NUP205: variants seen among roughly 807,000 people sequenced by gnomAD.
The protein encoded by NUP205 is nuclear pore complex protein Nup205.
A neutral mutation model predicts 253.8 loss-of-function variants in NUP205; 76 were observed. That is an observed-to-expected ratio of 0.30 (90% CI 0.25 to 0.36). The LOEUF is 0.36. Ranked by LOEUF, NUP205 falls within the 10% of genes least tolerant of loss-of-function variation. The probability of loss-of-function intolerance (pLI) is 1.00; values close to 1 mark genes in which losing one functional copy is unlikely to be tolerated. For missense variants in NUP205, 2,162 were observed against 2,425.5 expected (o/e 0.89, Z 2.28); for synonymous variants, 832 against 850.1 (o/e 0.98, Z 0.37).
chr7:135,617,373 G>A, intron 26 of NUP205, 126 bp downstream of exon 26: 1 of 978,816 alleles, frequency 1.0e-6, no homozygotes. Flanking sequence ...TTATAGGAAG[G>A]ACTGTGATTT....
At chr7:135,619,977 A>T in intron 30 of NUP205, 89 bp downstream of exon 30, 1 of 826,878 alleles carries the variant, frequency 1.2e-6, no homozygotes, top group East Asian at 2.4e-5. Flanking sequence ...TCTTTTGACT[A>T]ATCACAACTG....
Position 135,573,801 on chromosome 7 carries a change from G to A in NUP205, c.319G>A (p.Ala107Thr). 2.5e-6 allele frequency: 4 copies of A among 1,612,392 alleles called. No individual in the cohort carries two copies. The highest frequency in any genetic ancestry group is 2.5e-6 in the Non-Finnish European group (3 of 1,179,482). ...LSDLFDIGELAAVELLLAGEH... is the reference protein window; with the variant it reads ...LSDLFDIGELTAVELLLAGEH... ...TGACCTTTTTGATATTGGAGAATTGGCAGCTGTTGAGCTTCTTCTTGCTGG... is the reference window on the plus strand; with the variant it reads ...TGACCTTTTTGATATTGGAGAATTGACAGCTGTTGAGCTTCTTCTTGCTGG... Residue 107 changes from alanine (A) to threonine (T), a missense_variant, in exon 3 of 43, where the codon GCA becomes ACA. Ala to Thr is a moderately conservative substitution (Grantham distance 58, BLOSUM62 0). Around this residue, in one of 5 missense-constraint regions of NUP205, gnomAD observed 109 missense variants for 131.8 expected, o/e 0.83. Transcript: ENST00000285968.
intron 30 of NUP205, among the ~76,000 whole-genome samples, chr7:135,620,229 A>G (rs1794447285): frequency 6.6e-6 from 1 of 152,132 alleles, no homozygotes; most frequent in Admixed American, 6.6e-5. Context: ...GTACTTATCT[A>G]GTTGATTCTT....
At chr7:135,641,737 T>TGGATCACCTGAGCCCAGGAGGTTGAGG (rs1563140691) in intron 38 of NUP205, among the ~76,000 whole-genome samples, 3 of 151,446 alleles carry the variant, frequency 2.0e-5, no homozygotes, top group African/African-American at 7.3e-5. Flanking sequence ...GAGGTTGAGG[T>TGGATCACCTGAGCCCAGGAGGTTGAGG]TGCAGTGATC....
chr7:135,614,376 C>CTTTGTTAT (rs767241970), intron 23 of NUP205, 103 bp downstream of exon 23: 50 of 628,026 alleles, frequency 8.0e-5, no homozygotes, highest in Non-Finnish European at 1.3e-4. Context: ...CATTCTGATA[C>CTTTGTTAT]TTTGGCTTCT....
At position 135,630,333 on chromosome 7, in the gene NUP205, C is replaced by A. The variant is rs199586561; in HGVS notation, c.4933-11C>A. 76 of 1,540,964 alleles carry A rather than the reference C, an allele frequency of 4.9e-5. No homozygotes were observed. Among genetic ancestry groups the A allele is most frequent in the Non-Finnish European group, 6.3e-5 (72 of 1,145,794 alleles). ...TGTTTTTTCTATTCCTCTTCCTTTT[C>A]AATGGCTTAGGTATTGCAGTTTCTT... On this transcript the variant is annotated splice_polypyrimidine_tract_variant and intron_variant, in intron 34 of 42. Coordinates refer to ENST00000285968, the MANE Select transcript of NUP205 (RefSeq NM_015135.3).
chr7:135,593,698 A>G (rs1349983047), intron 12 of NUP205, among the ~76,000 whole-genome samples: 1 of 152,210 alleles, frequency 6.6e-6, no homozygotes, highest in Non-Finnish European at 1.5e-5. Context: ...GTTCACTAGA[A>G]TAGTCTGACA....
At chr7:135,618,357 G>T in intron 27 of NUP205, 55 bp from the exon 28 acceptor site, 1 of 1,435,710 alleles carries the variant, frequency 7.0e-7, no homozygotes. Flanking sequence ...GTAACTGACA[G>T]ATAACTGATC....
At chr7:135,605,340 G>A (rs1794064131) in intron 19 of NUP205, among the ~76,000 whole-genome samples, 1 of 152,116 alleles carries the variant, frequency 6.6e-6, no homozygotes, top group South Asian at 2.1e-4. Context: ...TTATTGTGTA[G>A]TCCTTCATAG....
intron 33 of NUP205, 109 bp downstream of exon 33, chr7:135,626,470 T>A (rs1794592019): frequency 1.6e-6 from 2 of 1,265,898 alleles, no homozygotes; most frequent in Non-Finnish European, 2.2e-6. Flanking sequence ...TTCATCTTGG[T>A]GTGGGTTTTT....
At chr7:135,561,917 CTCCTTCCT>C (rs755809128) in intron 1 of NUP205, among the ~76,000 whole-genome samples, 1 of 147,564 alleles carries the variant, frequency 6.8e-6, no homozygotes, top group African/African-American at 2.6e-5. Flanking sequence ...CCTTCCTTCC[CTCCTTCCT>C]TCCTTCCTTC....
intron 37 of NUP205, 143 bp from the exon 38 acceptor site, chr7:135,638,414 G>GGAAA (rs1794857321): frequency 1.1e-5 from 5 of 465,656 alleles, no homozygotes; most frequent in African/African-American, 2.9e-5. Context: ...GACTCCATCT[G>GGAAA]AAAAAAAAAA....
chr7:135,640,207 C>A (rs1435937853), intron 38 of NUP205, among the ~76,000 whole-genome samples: 1 of 152,026 alleles, frequency 6.6e-6, no homozygotes, highest in Non-Finnish European at 1.5e-5. Flanking sequence ...TACATGTATC[C>A]CAGAACTTCA....
At chr7:135,573,320 G>A (rs887451277) in intron 2 of NUP205, among the ~76,000 whole-genome samples, 1 of 152,022 alleles carries the variant, frequency 6.6e-6, no homozygotes, top group African/African-American at 2.4e-5. Flanking sequence ...CATTTGTTAT[G>A]TACCATTTGA....
intron 1 of NUP205, among the ~76,000 whole-genome samples, chr7:135,558,601 G>A (rs757921532): frequency 4.6e-5 from 7 of 152,280 alleles, no homozygotes; most frequent in Admixed American, 2.6e-4. Context: ...TGGAAGATTT[G>A]GGGTGGATCC....
Position 135,637,993 on chromosome 7 carries a change from T to C in NUP205, c.5199T>C (p.Phe1733=), listed in dbSNP as rs982516856. 1.2e-6 allele frequency: 2 copies of C among 1,614,152 alleles called. No individual in the cohort carries two copies. The highest frequency in any genetic ancestry group is 8.5e-7 in the Non-Finnish European group (1 of 1,179,988). ...GGSDRLRQFK[F]QDDNVEGDKV... is the part of the protein sequence containing the mutation. Reference sequence around the variant, plus strand: ...CTGACAGACTGCGTCAGTTTAAATTTCAAGACGATAATGTGGAGGGAGATA... The same window carrying C: ...CTGACAGACTGCGTCAGTTTAAATTCCAAGACGATAATGTGGAGGGAGATA... Residue 1733 remains phenylalanine (F), a synonymous_variant, in exon 37 of 43, where the codon TTT becomes TTC. Coordinates refer to ENST00000285968, the MANE Select transcript of NUP205 (RefSeq NM_015135.3).
intron 36 of NUP205, 69 bp from the exon 37 acceptor site, chr7:135,637,861 GT>G: frequency 6.9e-7 from 1 of 1,442,324 alleles, no homozygotes; most frequent in Non-Finnish European, 9.4e-7. Flanking sequence ...AGTTTTTCTT[GT>G]TTCTATCCCT....
intron 31 of NUP205, among the ~76,000 whole-genome samples, chr7:135,623,984 A>G (rs371437104): frequency 1.3e-5 from 2 of 152,010 alleles, no homozygotes; most frequent in Non-Finnish European, 2.9e-5. Flanking sequence ...GGGTTTCACC[A>G]TGTTAGCCAG....
intron 17 of NUP205, among the ~76,000 whole-genome samples, chr7:135,602,032 G>A (rs1357559328): frequency 1.3e-5 from 2 of 152,124 alleles, no homozygotes; most frequent in Non-Finnish European, 2.9e-5. Context: ...GAAATACAAC[G>A]AAGTTATACT....
Sources: allele counts gnomAD v4.1 joint callset (sites outside exome capture counted in the v4.1 genomes callset), GRCh38; gene constraint gnomAD v4.1.1; regional missense constraint gnomAD v4.1.1; transcripts MANE v1.5; gene names NCBI Gene and HGNC (gene_info 2026-07-23, HGNC 2026-07-21).